SCAPER: variants seen among roughly 807,000 people sequenced by gnomAD.
SCAPER encodes the protein S-phase cyclin A associated protein in the ER.
A neutral mutation model predicts 182.2 loss-of-function variants in SCAPER; 98 were observed. The observed-to-expected ratio is 0.54, with a 90% CI of 0.46 to 0.64. SCAPER has a LOEUF of 0.64. Ranked by LOEUF, SCAPER falls within the 30% of genes least tolerant of loss-of-function variation. The pLI, the probability that SCAPER is intolerant of heterozygous loss-of-function variation, is 0.00. For synonymous variants in SCAPER, 605 were observed against 564.6 expected (o/e 1.07, Z -1.01); for missense variants, 1,432 against 1,690.0 (o/e 0.85, Z 2.68).
At chr15:76,796,387 T>G (rs1338187540) in intron 7 of SCAPER, among the ~76,000 whole-genome samples, 1 of 152,252 alleles carries the variant, frequency 6.6e-6, no homozygotes, top group Non-Finnish European at 1.5e-5. Context: ...ACAAAAACAA[T>G]GACTCTTTTT....
At chr15:76,849,059 C>A (rs2151818980) in intron 4 of SCAPER, among the ~76,000 whole-genome samples, 1 of 152,236 alleles carries the variant, frequency 6.6e-6, no homozygotes, top group Non-Finnish European at 1.5e-5. Flanking sequence ...AGCCTAAGGG[C>A]TACACTCAAA....
intron 23 of SCAPER, among the ~76,000 whole-genome samples, chr15:76,518,826 T>A (rs2042635039): frequency 6.6e-6 from 1 of 152,248 alleles, no homozygotes; most frequent in Non-Finnish European, 1.5e-5. Flanking sequence ...CATCATAATG[T>A]CACAAATAAT....
intron 8 of SCAPER, among the ~76,000 whole-genome samples, chr15:76,784,212 A>G (rs111256315): frequency 2.6e-5 from 4 of 152,264 alleles, no homozygotes; most frequent in East Asian, 3.8e-4. Context: ...CAAGGTGCGA[A>G]AACCACAGGC....
intron 5 of SCAPER, among the ~76,000 whole-genome samples, chr15:76,829,994 T>C (rs1056683715): frequency 6.6e-6 from 1 of 152,210 alleles, no homozygotes; most frequent in African/African-American, 2.4e-5. Flanking sequence ...GAGCATATCA[T>C]AGTCTGAAAC....
chr15:76,425,252 C>A (rs1323421369), intron 26 of SCAPER, among the ~76,000 whole-genome samples: 1 of 152,196 alleles, frequency 6.6e-6, no homozygotes, highest in Non-Finnish European at 1.5e-5. Context: ...TACAGGTACA[C>A]CAATCAGACG....
chr15:76,702,742 T>A (rs2059027744), intron 19 of SCAPER, 108 bp downstream of exon 19: 1 of 1,313,074 alleles, frequency 7.6e-7, no homozygotes, highest in South Asian at 1.5e-5. Context: ...AGCTGCCACA[T>A]CTCGCCTGCC....
At chr15:76,705,397 T>G (rs1598276198) in intron 18 of SCAPER, among the ~76,000 whole-genome samples, 1 of 90,252 alleles carries the variant, frequency 1.1e-5, no homozygotes, top group Non-Finnish European at 2.1e-5. Context: ...GGGGACTGTT[T>G]TGGGGTGGGG....
At chr15:76,698,089 T>C (rs571545800) in intron 20 of SCAPER, among the ~76,000 whole-genome samples, 3 of 152,116 alleles carry the variant, frequency 2.0e-5, no homozygotes, top group African/African-American at 4.8e-5. Context: ...GGGGTAATCA[T>C]GAAAGATTTA....
chr15:76,592,667 A>G (rs2049212115), intron 22 of SCAPER, among the ~76,000 whole-genome samples: 1 of 122,494 alleles, frequency 8.2e-6, no homozygotes, highest in South Asian at 2.5e-4. Context: ...CAGCCCATGG[A>G]GGGTCAGCCA....
In SCAPER at chr15:76,719,495, G is replaced by A. The variant is rs367733210; in HGVS notation, c.2165+9100C>T. On this transcript the variant is annotated intron_variant, in intron 17 of 31. Coordinates refer to ENST00000563290, the MANE Select transcript of SCAPER (RefSeq NM_020843.4). ...CTAATGTACAACAGGAGGGCTATAGGTAATAAAATTGTACAGTACTGGGAT... is the reference window on the plus strand; with the variant it reads ...CTAATGTACAACAGGAGGGCTATAGATAATAAAATTGTACAGTACTGGGAT... 2.0e-5 allele frequency among the ~76,000 whole-genome samples: 3 copies of A among 152,188 alleles called. No individual in the cohort carries two copies. In the East Asian group the frequency reaches 5.8e-4, roughly 29 times the overall value.
At position 76,525,338 on chromosome 15, in the gene SCAPER, A is replaced by C. The variant is rs559406444; in HGVS notation, c.2839-20364T>G. ...ATGTTATTGTTGTGGACTACAGTGTAATTTTTTTTCTTTTTTAAATATAAA... is the reference window on the plus strand; with the variant it reads ...ATGTTATTGTTGTGGACTACAGTGTCATTTTTTTTCTTTTTTAAATATAAA... On this transcript the variant is annotated intron_variant, in intron 23 of 31. Transcript: ENST00000563290. 3.6e-4 allele frequency among the ~76,000 whole-genome samples: 55 copies of C among 152,150 alleles called. 1 individual carries two copies. The South Asian group carries it at 0.011, about 30-fold the overall frequency.
chr15:76,611,952 T>C (rs1428098793), intron 22 of SCAPER, among the ~76,000 whole-genome samples: 1 of 152,050 alleles, frequency 6.6e-6, no homozygotes, highest in Non-Finnish European at 1.5e-5. Context: ...CTCAAAATAA[T>C]AAGAGCCATC....
intron 5 of SCAPER, among the ~76,000 whole-genome samples, chr15:76,817,874 G>A (rs1330432404): frequency 6.6e-6 from 1 of 152,146 alleles, no homozygotes; most frequent in African/African-American, 2.4e-5. Context: ...ACTCAATATT[G>A]TCAAAATGTC....
At chr15:76,745,906 C>G (rs750859021) in intron 15 of SCAPER, among the ~76,000 whole-genome samples, 1 of 152,152 alleles carries the variant, frequency 6.6e-6, no homozygotes, top group Non-Finnish European at 1.5e-5. Flanking sequence ...CAATAATCTA[C>G]CTTCAGACTG....
chr15:76,508,871 T>C (rs556487039), intron 23 of SCAPER, among the ~76,000 whole-genome samples: 13 of 152,282 alleles, frequency 8.5e-5, no homozygotes, highest in African/African-American at 2.9e-4. Context: ...ATTTGTTTCA[T>C]AGTACCATAA....
intron 23 of SCAPER, among the ~76,000 whole-genome samples, chr15:76,520,173 T>C (rs1472757197): frequency 6.6e-6 from 1 of 152,220 alleles, no homozygotes; most frequent in African/African-American, 2.4e-5. Flanking sequence ...ATTGTAATTA[T>C]TTGTTTGTCT....
At chr15:76,888,686 C>T (rs1347465815) in intron 1 of SCAPER, among the ~76,000 whole-genome samples, 1 of 152,002 alleles carries the variant, frequency 6.6e-6, no homozygotes, top group African/African-American at 2.4e-5. Context: ...GTGAAAAGAC[C>T]AAATCTACGT....
At chr15:76,770,333 C>T (rs1391129996) in intron 10 of SCAPER, among the ~76,000 whole-genome samples, 1 of 151,314 alleles carries the variant, frequency 6.6e-6, no homozygotes, top group Non-Finnish European at 1.5e-5. Flanking sequence ...TGCACATGTA[C>T]CCTAGAATTT....
chr15:76,745,084 A>T (rs1452300028), intron 15 of SCAPER, among the ~76,000 whole-genome samples: 1 of 152,144 alleles, frequency 6.6e-6, no homozygotes, highest in East Asian at 1.9e-4. Flanking sequence ...GAGCTAAACA[A>T]TAAGCACATA....
Sources: allele counts gnomAD v4.1 joint callset (sites outside exome capture counted in the v4.1 genomes callset), GRCh38; gene constraint gnomAD v4.1.1; transcripts MANE v1.5; gene names NCBI Gene and HGNC (gene_info 2026-07-23, HGNC 2026-07-21).